Variants in PBLD observed in about 807,000 individuals in gnomAD.
The protein encoded by PBLD is phenazine biosynthesis-like domain-containing protein.
PBLD carries 26 observed loss-of-function variants against 31.3 expected under a neutral mutation model. The ratio of observed to expected loss-of-function variants is 0.83; its 90% CI spans 0.61 to 1.15. The LOEUF is 1.15. Among genes scored for constraint, PBLD ranks in the 50% most tolerant of loss-of-function variants. The probability of loss-of-function intolerance (pLI) is 0.00; values close to 1 mark genes in which losing one functional copy is unlikely to be tolerated. For synonymous variants in PBLD, 114 were observed against 129.0 expected, an observed-to-expected ratio of 0.88 and a Z score of 0.79; for missense variants, 307 against 351.7, an observed-to-expected ratio of 0.87 and a Z score of 1.02.
At chr10:68,293,981 A>C (rs967326283) in intron 4 of PBLD, among the ~76,000 whole-genome samples, 5 of 152,090 alleles carry the variant, frequency 3.3e-5, no homozygotes, top group African/African-American at 1.2e-4. Flanking sequence ...ATCTCAAAAA[A>C]ACAAAAACAA....
At chr10:68,284,335 A>C (rs1463535304) in intron 9 of PBLD, 46 bp from the exon 10 acceptor site, 24 of 1,482,100 alleles carry the variant, frequency 1.6e-5, no homozygotes, top group Non-Finnish European at 2.1e-5. Flanking sequence ...TCACCCTTTT[A>C]AATTAACAAA....
intron 4 of PBLD, among the ~76,000 whole-genome samples, chr10:68,295,704 C>T (rs764499048): frequency 1.3e-5 from 2 of 152,072 alleles, no homozygotes; most frequent in Non-Finnish European, 2.9e-5. Flanking sequence ...ATAATCCCAG[C>T]ACTTTGGGAG....
At position 68,322,229 on chromosome 10, in the gene PBLD, A is replaced by G. The variant is rs541976198; in HGVS notation, c.-60+10555T>C. ...AAAAAACCCAGTTGAAGGATATTCC[A>G]CAAAATACCTGACCAGCAGATGCTA... On this transcript the variant is annotated intron_variant, in intron 1 of 9. Coordinates refer to ENST00000358769, the MANE Select transcript of PBLD (RefSeq NM_022129.4). Among the ~76,000 whole-genome samples the G allele has an allele frequency of 7.2e-5, 11 of 152,286 alleles. No individual in the cohort carries two copies. The South Asian group carries it at 2.3e-3, about 32-fold the overall frequency.
At chr10:68,327,506 C>T (rs936368777) in intron 1 of PBLD, among the ~76,000 whole-genome samples, 19 of 151,564 alleles carry the variant, frequency 1.3e-4, no homozygotes, top group Non-Finnish European at 2.9e-5. Context: ...GGTGAAACCC[C>T]GTCTCTACTA....
intron 6 of PBLD, 104 bp downstream of exon 6, chr10:68,291,906 A>G: frequency 7.9e-7 from 1 of 1,273,870 alleles, no homozygotes; most frequent in Non-Finnish European, 1.1e-6. Flanking sequence ...ACACTGTAAC[A>G]TTTATATTGG....
intron 4 of PBLD, among the ~76,000 whole-genome samples, chr10:68,294,777 G>T (rs753875560): frequency 2.6e-5 from 4 of 152,010 alleles, no homozygotes; most frequent in African/African-American, 4.8e-5. Context: ...GCCCAGGCTG[G>T]AGTGCAATGG....
At chr10:68,330,341 A>T (rs1277584794) in intron 1 of PBLD, among the ~76,000 whole-genome samples, 1 of 152,052 alleles carries the variant, frequency 6.6e-6, no homozygotes, top group Non-Finnish European at 1.5e-5. Context: ...TGGGAGAAAA[A>T]ATTATACATC....
chr10:68,322,427 G>A (rs566533205), intron 1 of PBLD, among the ~76,000 whole-genome samples: 22 of 151,642 alleles, frequency 1.5e-4, no homozygotes, highest in African/African-American at 4.6e-4. Context: ...TTGGGAGGCC[G>A]AGGTAGAAGG....
At chr10:68,307,051 T>C (rs530325534) in intron 1 of PBLD, 148 bp from the exon 2 acceptor site, 21 of 439,562 alleles carry the variant, frequency 4.8e-5, no homozygotes, top group Non-Finnish European at 8.7e-5. Context: ...TTTTTTGAGA[T>C]GGAGTCTTGC....
At chr10:68,293,692 C>T (rs2044388248) in intron 4 of PBLD, among the ~76,000 whole-genome samples, 1 of 152,142 alleles carries the variant, frequency 6.6e-6, no homozygotes, top group Non-Finnish European at 1.5e-5. Context: ...CAAACCAACC[C>T]ACGTGGAGTC....
chr10:68,322,420 G>C (rs937794982), intron 1 of PBLD, among the ~76,000 whole-genome samples: 1 of 151,836 alleles, frequency 6.6e-6, no homozygotes, highest in Non-Finnish European at 1.5e-5. Flanking sequence ...TAGCACTTTG[G>C]GAGGCCGAGG....
chr10:68,293,108 GC>G (rs577451282), intron 4 of PBLD, among the ~76,000 whole-genome samples: 162 of 152,256 alleles, frequency 1.1e-3, no homozygotes, highest in Admixed American at 2.0e-3. Context: ...CAATCCTCCC[GC>G]CTTGGCTCCC....
rs66894235 is a variant in PBLD, at chr10:68,292,512, C to CT, written c.284-275dup. On this transcript the variant is annotated intron_variant, in intron 4 of 9. Transcript: ENST00000358769. ...ACTGTGCCCTTACTAACTTAGCCTC[C>CT]TTTTTTTTTTTTCTTGAGACATGGT... 3.3e-3 allele frequency among the ~76,000 whole-genome samples: 484 copies of CT among 147,098 alleles called. 6 individuals carry two copies. Among genetic ancestry groups the CT allele is most frequent in the African/African-American group, 8.7e-3 (347 of 39,930 alleles).
chr10:68,308,090 C>T (rs1265580701), intron 1 of PBLD, among the ~76,000 whole-genome samples: 1 of 152,132 alleles, frequency 6.6e-6, no homozygotes, highest in Non-Finnish European at 1.5e-5. Flanking sequence ...GGACACCATA[C>T]TCCCACAGAT....
chr10:68,288,659 G>C lies in PBLD; in HGVS notation c.515C>G (p.Ser172Trp), dbSNP rs551137319. Residue 172 changes from serine to tryptophan, a missense_variant and splice_region_variant, in exon 8 of 10, where the codon TCG becomes TGG. Transcript: ENST00000358769. ...GTTCACTTTCAGGTTCTCCAGAAACGACCTTGTTCATAAACAAGATGGATT... is the reference window on the plus strand; with the variant it reads ...GTTCACTTTCAGGTTCTCCAGAAACCACCTTGTTCATAAACAAGATGGATT... ...LVRLSDVYNR[S>W]FLENLKVNTE... The C allele has an allele frequency of 1.2e-6, 2 of 1,613,524 alleles. No individual in the cohort carries two copies. Among genetic ancestry groups the C allele is most frequent in the Non-Finnish European group, 1.7e-6 (2 of 1,179,802 alleles).
chr10:68,310,083 C>T (rs2044644478), intron 1 of PBLD, among the ~76,000 whole-genome samples: 1 of 149,530 alleles, frequency 6.7e-6, no homozygotes, highest in Non-Finnish European at 1.5e-5. Flanking sequence ...TTGCAGTGAG[C>T]TGAGATTGTA....
intron 6 of PBLD, among the ~76,000 whole-genome samples, chr10:68,289,254 G>A (rs1219064560): frequency 2.0e-5 from 3 of 152,140 alleles, no homozygotes; most frequent in Non-Finnish European, 4.4e-5. Context: ...GTGGCCAGGT[G>A]CAGTGGCTCA....
At chr10:68,306,174 T>C (rs978004491) in intron 2 of PBLD, among the ~76,000 whole-genome samples, 16 of 150,344 alleles carry the variant, frequency 1.1e-4, no homozygotes, top group African/African-American at 3.9e-4. Context: ...TATTTAACTA[T>C]TCCATTAATA....
At chr10:68,308,845 GGTGTGTGTGTGTGTGT>G (rs374363010) in intron 1 of PBLD, among the ~76,000 whole-genome samples, 2 of 130,360 alleles carry the variant, frequency 1.5e-5, no homozygotes, top group African/African-American at 5.7e-5. Flanking sequence ...TGACCTGCAT[GGTGTGTGTGTGTGTGT>G]GTGTGTGTGT....
Sources: allele counts gnomAD v4.1 joint callset (sites outside exome capture counted in the v4.1 genomes callset), GRCh38; gene constraint gnomAD v4.1.1; transcripts MANE v1.5; gene names NCBI Gene and HGNC (gene_info 2026-07-23, HGNC 2026-07-21).